The following USP15 variants were observed in gnomAD, a reference collection of about 807,000 sequenced individuals.
USP15 encodes ubiquitin carboxyl-terminal hydrolase 15.
USP15 carries 18 observed loss-of-function variants against 127.1 expected under a neutral mutation model. The observed-to-expected ratio is 0.14, with a 90% confidence interval of 0.10 to 0.21. The LOEUF is 0.21. Among genes scored for constraint, USP15 ranks in the 10% least tolerant of loss-of-function variants. The pLI is 1.00. For synonymous variants in USP15, 364 were observed against 393.7 expected (o/e 0.92, Z 0.89); for missense variants, 805 against 1,159.9 (o/e 0.69, Z 4.44).
Position 62,390,879 on chromosome 12 carries a change from A to G in USP15, c.1860A>G (p.Ile620Met). 1.2e-6 allele frequency: 2 copies of G among 1,610,596 alleles called. No homozygotes were observed. The highest frequency in any genetic ancestry group is 2.2e-5 in the South Asian group (2 of 90,618). ...LLLRMCRYVK[I>M]STETEETEGS... ...TTTACTTAAGCCGATATGTCAAAAT[A>G]TCTACTGAAACTGAAGAAACTGAAG... Residue 620 changes from isoleucine to methionine, a missense_variant, in exon 15 of 22, where the codon ATA (isoleucine) becomes ATG (methionine). Ile to Met is a conservative substitution (Grantham distance 10). Coordinates refer to ENST00000280377, the MANE Select transcript of USP15 (RefSeq NM_001252078.2).
intron 3 of USP15, chr12:62,304,611 T>C (rs940340371): frequency 9.9e-6 from 4 of 404,412 alleles, no homozygotes; most frequent in Non-Finnish European, 2.0e-5. Flanking sequence ...CTAGCTATAA[T>C]GCAGAAACCA....
chr12:62,261,091 G>C (rs1565793608), intron 1 of USP15, among the ~76,000 whole-genome samples: 1 of 152,096 alleles, frequency 6.6e-6, no homozygotes, highest in Non-Finnish European at 1.5e-5. Flanking sequence ...GAGGAGTAGG[G>C]AACCTTGGGC....
In USP15 at chr12:62,410,003, T is replaced by G. The variant is rs1431097821; in HGVS notation, c.*5628T>G. On this transcript the variant is annotated 3_prime_UTR_variant, in exon 22 of 22. Transcript: ENST00000280377. Reference sequence around the variant, plus strand: ...GTTCATGATTAAGTATGCTAAGTTTTAAGTAATTTAGACTAATGTATTAAA... The same window carrying G: ...GTTCATGATTAAGTATGCTAAGTTTGAAGTAATTTAGACTAATGTATTAAA... 1 of 152,156 alleles carries G rather than the reference T, an allele frequency of 6.6e-6. No homozygotes were observed. Among genetic ancestry groups the G allele is most frequent in the Non-Finnish European group, 1.5e-5 (1 of 68,002 alleles). 9.4% of individuals were successfully genotyped at this position (152,156 alleles called of 1,614,324 possible). A position where few individuals can be genotyped will look rare whatever the true frequency, so the allele number is the denominator to read the frequency against.
At chr12:62,385,811 A>T (rs547971393) in intron 11 of USP15, among the ~76,000 whole-genome samples, 1 of 152,226 alleles carries the variant, frequency 6.6e-6, no homozygotes, top group East Asian at 1.9e-4. Context: ...AACTTTGCAG[A>T]TATACACCAA....
intron 6 of USP15, among the ~76,000 whole-genome samples, chr12:62,329,142 T>C (rs1026076573): frequency 1.1e-4 from 17 of 152,122 alleles, no homozygotes; most frequent in Non-Finnish European, 2.9e-5. Flanking sequence ...ATGCCTGTAA[T>C]CCCAGCACTT....
chr12:62,300,376 T>A (rs1232081104), intron 2 of USP15, among the ~76,000 whole-genome samples: 1 of 152,166 alleles, frequency 6.6e-6, no homozygotes, highest in African/African-American at 2.4e-5. Context: ...GGATATTAAG[T>A]TGTCCAGTAA....
intron 4 of USP15, 64 bp from the exon 5 acceptor site, chr12:62,321,400 T>C: frequency 9.9e-7 from 1 of 1,009,024 alleles, no homozygotes; most frequent in Non-Finnish European, 1.3e-6. Flanking sequence ...TGGTAACATT[T>C]AGCTGTATGT....
Position 62,260,436 on chromosome 12 carries a change from G to C in USP15, c.22G>C (p.Asp8His), listed in dbSNP as rs1319914395. The C allele has an allele frequency of 3.9e-6, 6 of 1,551,738 alleles. No individual in the cohort carries two copies. In the Admixed American group the frequency reaches 7.8e-5, roughly 20 times the overall value. MAEGGAA[D>H]LDTQRSDIAT... is the part of the protein sequence containing the mutation. ...GAAGATGGCGGAAGGCGGAGCGGCG[G>C]ATCTGGACACCCAGCGGTCTGACAT... Residue 8 changes from aspartate (D) to histidine (H), a missense_variant, in exon 1 of 22, where the codon GAT (aspartate) becomes CAT (histidine). Asp to His is a moderately conservative substitution (Grantham distance 81). This residue lies in a region of USP15 where 45 missense variants were observed against 37.8 expected (regional missense o/e 1.19). Transcript: ENST00000280377.
chr12:62,394,253 A>G (rs1433963169), intron 19 of USP15, among the ~76,000 whole-genome samples: 1 of 152,140 alleles, frequency 6.6e-6, no homozygotes. Context: ...GTACTATCCC[A>G]TTTTGCAAAA....
At chr12:62,399,512 G>A (rs67022635) in intron 20 of USP15, among the ~76,000 whole-genome samples, 1 of 152,070 alleles carries the variant, frequency 6.6e-6, no homozygotes, top group Non-Finnish European at 1.5e-5. Flanking sequence ...AAATTTAAAC[G>A]CTTTCTTCTA....
intron 3 of USP15, chr12:62,303,242 A>G (rs1205863575): frequency 6.0e-6 from 1 of 168,042 alleles, no homozygotes; most frequent in Admixed American, 6.1e-5. Context: ...TGGCAACCTG[A>G]CCCTGTTTTC....
At chr12:62,326,995 T>C (rs1405990008) in intron 6 of USP15, among the ~76,000 whole-genome samples, 1 of 152,088 alleles carries the variant, frequency 6.6e-6, no homozygotes, top group Non-Finnish European at 1.5e-5. Flanking sequence ...CCAGGAGTGA[T>C]GATGCATCCC....
chr12:62,380,860 A>G (rs1194343650), intron 8 of USP15, among the ~76,000 whole-genome samples: 1 of 152,066 alleles, frequency 6.6e-6, no homozygotes, highest in Non-Finnish European at 1.5e-5. Context: ...TAACTTATTT[A>G]TAGTTTTTAT....
At chr12:62,335,929 C>T in intron 6 of USP15, 1 of 985,400 alleles carries the variant, frequency 1.0e-6, no homozygotes, top group African/African-American at 1.7e-5. Flanking sequence ...TCTGACCAGT[C>T]CTTTGTCTGT....
intron 1 of USP15, among the ~76,000 whole-genome samples, chr12:62,289,405 AG>A (rs1405910729): frequency 6.6e-6 from 1 of 152,150 alleles, no homozygotes; most frequent in Non-Finnish European, 1.5e-5. Context: ...TGATGCTCAT[AG>A]TAGTCTCTGA....
At chr12:62,277,693 A>T (rs572508037) in intron 1 of USP15, 1 of 107,276 alleles carries the variant, frequency 9.3e-6, no homozygotes, top group South Asian at 3.1e-4. Context: ...AACGCTAAAA[A>T]TAGATGATAA....
intron 1 of USP15, among the ~76,000 whole-genome samples, chr12:62,266,528 G>C (rs1217729197): frequency 6.6e-6 from 1 of 152,122 alleles, no homozygotes; most frequent in African/African-American, 2.4e-5. Flanking sequence ...TGCTATCTTA[G>C]TCTTGAATTT....
chr12:62,402,027 TG>T (rs553708412), intron 21 of USP15, among the ~76,000 whole-genome samples: 45 of 151,838 alleles, frequency 3.0e-4, no homozygotes, highest in Admixed American at 1.3e-3. Context: ...CCACATTTTT[TG>T]TTTATATTTA....
At chr12:62,268,294 A>G (rs555410105) in intron 1 of USP15, among the ~76,000 whole-genome samples, 1 of 152,278 alleles carries the variant, frequency 6.6e-6, no homozygotes, top group South Asian at 2.1e-4. Context: ...TGCATTTTAA[A>G]TTCTAAGTGT....
Sources: allele counts gnomAD v4.1 joint callset (sites outside exome capture counted in the v4.1 genomes callset), GRCh38; gene constraint gnomAD v4.1.1; regional missense constraint gnomAD v4.1.1; transcripts MANE v1.5; gene names NCBI Gene and HGNC (gene_info 2026-07-23, HGNC 2026-07-21).